The following ACSL5 variants were observed in gnomAD, a reference collection of about 807,000 sequenced individuals.
ACSL5 encodes long-chain-fatty-acid--CoA ligase 5.
In ACSL5, 50 loss-of-function variants were observed where a neutral mutation model predicts 84.9. The observed-to-expected ratio is 0.59, with a 90% CI of 0.47 to 0.75. The LOEUF is 0.75. Among genes scored for constraint, ACSL5 ranks in the 30% least tolerant of loss-of-function variants. The probability of loss-of-function intolerance (pLI) is 0.00; values close to 1 mark genes in which losing one functional copy is unlikely to be tolerated. For missense variants in ACSL5, 775 were observed against 830.4 expected (o/e 0.93, Z 0.82); for synonymous variants, 280 against 300.7 (o/e 0.93, Z 0.71).
intron 5 of ACSL5, 35 bp from the exon 6 acceptor site, chr10:112,408,387 C>A: frequency 7.6e-7 from 1 of 1,322,854 alleles, no homozygotes; most frequent in Non-Finnish European, 1.1e-6. Context: ...CTTCAGTGTG[C>A]CCTCCAGTCC....
At chr10:112,396,193 C>T (rs985759595) in intron 2 of ACSL5, 6 of 152,184 alleles carry the variant, frequency 3.9e-5, no homozygotes, top group African/African-American at 1.2e-4. Flanking sequence ...CTCCTCCTTT[C>T]GCCTTTTATA....
chr10:112,380,669 A>G (rs1266541660), intron 1 of ACSL5, among the ~76,000 whole-genome samples: 2 of 152,226 alleles, frequency 1.3e-5, no homozygotes, highest in Non-Finnish European at 2.9e-5. Context: ...AGACACAGAC[A>G]ACAGTTGAGA....
At position 112,413,263 on chromosome 10, in the gene ACSL5, T is replaced by A. The variant is rs778601649; in HGVS notation, c.1039T>A (p.Leu347Met). 1.2e-6 allele frequency: 2 copies of A among 1,614,110 alleles called. No homozygotes were observed. The highest frequency in any genetic ancestry group is 2.7e-5 in the African/African-American group (2 of 74,950). The change falls in exon 12 of 21, where the codon TTG (leucine) becomes ATG (methionine). Residue 347 changes from leucine (L) to methionine (M), a missense_variant. Leu to Met is a conservative substitution (Grantham distance 15, BLOSUM62 2). Transcript: ENST00000354655. ...CGACATGAAGACTTTGAAGCCCACATTGTTTCCCGCGGTGCCTCGACTCCT... is the reference window on the plus strand; with the variant it reads ...CGACATGAAGACTTTGAAGCCCACAATGTTTCCCGCGGTGCCTCGACTCCT... Reference protein sequence around the residue: ...ADDMKTLKPTLFPAVPRLLNR... With the variant: ...ADDMKTLKPTMFPAVPRLLNR...
intron 1 of ACSL5, among the ~76,000 whole-genome samples, chr10:112,390,619 A>C (rs1232076650): frequency 6.6e-6 from 1 of 152,016 alleles, no homozygotes; most frequent in African/African-American, 2.4e-5. Flanking sequence ...TCAAAAGTAG[A>C]AACAACCCAG....
rs1373295348 is a variant in ACSL5, at chr10:112,398,286, C to T, written c.157-615C>T. Reference sequence around the variant, plus strand: ...TTCACCGTTTTAGCCGGGATGGTCTCGATCTCCTGACCTCGTGATCCGCCC... The same window carrying T: ...TTCACCGTTTTAGCCGGGATGGTCTTGATCTCCTGACCTCGTGATCCGCCC... On this transcript the variant is annotated intron_variant, in intron 2 of 20. Transcript: ENST00000354655. Among the ~76,000 whole-genome samples the T allele has an allele frequency of 2.9e-3, 6 of 2,064 alleles. 3 individuals carry two copies. The highest frequency in any genetic ancestry group is 6.6e-3 in the African/African-American group (6 of 910). 1.4% of individuals were successfully genotyped at this position (2,064 alleles called of 152,430 possible). A position where few individuals can be genotyped will look rare whatever the true frequency, so the allele number is the denominator to read the frequency against.
At chr10:112,416,360 A>G (rs372898099) in intron 12 of ACSL5, among the ~76,000 whole-genome samples, 1 of 150,872 alleles carries the variant, frequency 6.6e-6, no homozygotes, top group East Asian at 2.0e-4. Context: ...AGTCCCAGCT[A>G]CTCAGGAGGC....
At chr10:112,388,404 C>T (rs1303677244) in intron 1 of ACSL5, among the ~76,000 whole-genome samples, 8 of 152,136 alleles carry the variant, frequency 5.3e-5, no homozygotes, top group African/African-American at 1.9e-4. Context: ...CAATACCTTA[C>T]CAAAGTATTG....
intron 1 of ACSL5, among the ~76,000 whole-genome samples, chr10:112,385,905 C>G (rs1849439913): frequency 6.6e-6 from 1 of 152,136 alleles, no homozygotes; most frequent in Admixed American, 6.5e-5. Context: ...CATACTTTTT[C>G]ACCCCAACCA....
intron 7 of ACSL5, 56 bp downstream of exon 7, chr10:112,409,741 C>G: frequency 6.4e-7 from 1 of 1,551,130 alleles, no homozygotes. Flanking sequence ...CCTTGGGCAA[C>G]TTGCAAGATA....
chr10:112,391,093 G>C (rs540749864), intron 1 of ACSL5, among the ~76,000 whole-genome samples: 105 of 152,268 alleles, frequency 6.9e-4, no homozygotes, highest in Non-Finnish European at 1.1e-3. Flanking sequence ...AAAAATTGAG[G>C]AAGGGCCAGG....
chr10:112,389,417 C>T (rs924894341), intron 1 of ACSL5, among the ~76,000 whole-genome samples: 1 of 152,172 alleles, frequency 6.6e-6, no homozygotes. Flanking sequence ...ACCATCACCA[C>T]GTCAAAAAGT....
At chr10:112,390,198 A>T (rs1461518784) in intron 1 of ACSL5, among the ~76,000 whole-genome samples, 1 of 152,220 alleles carries the variant, frequency 6.6e-6, no homozygotes. Context: ...TATATATATG[A>T]CCTAATTTTT....
At chr10:112,400,058 G>A (rs1403411695) in intron 3 of ACSL5, among the ~76,000 whole-genome samples, 4 of 152,186 alleles carry the variant, frequency 2.6e-5, no homozygotes, top group African/African-American at 9.7e-5. Flanking sequence ...TGAAGAGTCC[G>A]ATGGGGCCTG....
intron 3 of ACSL5, among the ~76,000 whole-genome samples, chr10:112,403,019 A>G (rs1408851792): frequency 1.3e-5 from 2 of 152,240 alleles, no homozygotes; most frequent in Admixed American, 6.5e-5. Context: ...CAGAAGTTTA[A>G]TTCTTTTATT....
chr10:112,375,790 A>G (rs899084305), intron 1 of ACSL5, among the ~76,000 whole-genome samples: 3 of 152,262 alleles, frequency 2.0e-5, no homozygotes, highest in South Asian at 2.1e-4. Context: ...GTCGTTCCTG[A>G]CTTGCTTATT....
chr10:112,425,501 A>G lies in ACSL5; in HGVS notation c.1737+20A>G, dbSNP rs765894982. On this transcript the variant is annotated intron_variant, in intron 18 of 20. Transcript: ENST00000354655. ...TTACGGGTAATATATCATTTTAACA[A>G]TAGCCCATTTCAGTCACAAACCATG... 3 of 1,579,568 alleles carry G rather than the reference A, an allele frequency of 1.9e-6. No homozygotes were observed. The highest frequency in any genetic ancestry group is 2.6e-6 in the Non-Finnish European group (3 of 1,162,734).
intron 2 of ACSL5, among the ~76,000 whole-genome samples, chr10:112,397,455 C>T (rs1843774488): frequency 6.6e-6 from 1 of 152,148 alleles, no homozygotes. Context: ...CAGGCGTGAG[C>T]CACAGCGCCC....
chr10:112,396,158 T>A (rs1843742309), intron 2 of ACSL5: 1 of 152,262 alleles, frequency 6.6e-6, no homozygotes, highest in Admixed American at 6.5e-5. Context: ...TTCCTCTCAA[T>A]TGACTTGAGA....
At chr10:112,378,611 G>A (rs908002382) in intron 1 of ACSL5, among the ~76,000 whole-genome samples, 5 of 152,088 alleles carry the variant, frequency 3.3e-5, no homozygotes, top group African/African-American at 1.2e-4. Context: ...TCTCTCATAT[G>A]CCTCCTCAGC....
Sources: allele counts gnomAD v4.1 joint callset (sites outside exome capture counted in the v4.1 genomes callset), GRCh38; gene constraint gnomAD v4.1.1; transcripts MANE v1.5; gene names NCBI Gene and HGNC (gene_info 2026-07-23, HGNC 2026-07-21).